NELL1: variants seen among roughly 807,000 people sequenced by gnomAD.
NELL1 encodes the protein neural EGFL like 1.
A neutral mutation model predicts 107.4 loss-of-function variants in NELL1; 76 were observed. That is an observed-to-expected ratio of 0.71 (90% CI 0.59 to 0.86). The LOEUF (loss-of-function observed/expected upper bound fraction) is 0.86. Among genes scored for constraint, NELL1 ranks in the 40% least tolerant of loss-of-function variants. The probability of loss-of-function intolerance (pLI) is 0.00; values close to 1 mark genes in which losing one functional copy is unlikely to be tolerated. For missense variants in NELL1, 1,024 were observed against 1,005.5 expected, an observed-to-expected ratio of 1.02 and a Z score of -0.25; for synonymous variants, 353 against 341.2, an observed-to-expected ratio of 1.03 and a Z score of -0.38.
At chr11:21,443,629 T>G (rs1445396714) in intron 15 of NELL1, among the ~76,000 whole-genome samples, 1 of 152,114 alleles carries the variant, frequency 6.6e-6, no homozygotes, top group African/African-American at 2.4e-5. Flanking sequence ...GGCTCATGCC[T>G]GTAATCCCAG....
chr11:20,749,505 G>T (rs976971512), intron 2 of NELL1, among the ~76,000 whole-genome samples: 1 of 152,082 alleles, frequency 6.6e-6, no homozygotes, highest in African/African-American at 2.4e-5. Context: ...GGAGGCTGAG[G>T]TAGGAGGAAT....
chr11:20,797,790 C>T (rs184518999), intron 3 of NELL1, among the ~76,000 whole-genome samples: 133 of 152,140 alleles, frequency 8.7e-4, no homozygotes, highest in Admixed American at 2.3e-3. Context: ...TTAGTGTGCC[C>T]TGGGCAGATA....
At chr11:21,447,172 T>A (rs1385232959) in intron 15 of NELL1, among the ~76,000 whole-genome samples, 2 of 152,114 alleles carry the variant, frequency 1.3e-5, no homozygotes, top group African/African-American at 2.4e-5. Flanking sequence ...TTCAGAGCAG[T>A]GGGCTCCCCT....
At chr11:21,402,102 T>C (rs1287129444) in intron 15 of NELL1, among the ~76,000 whole-genome samples, 1 of 151,770 alleles carries the variant, frequency 6.6e-6, no homozygotes, top group Admixed American at 6.6e-5. Flanking sequence ...ACTTAGGTAA[T>C]TCAGCTTGCC....
intron 14 of NELL1, among the ~76,000 whole-genome samples, chr11:21,344,412 G>A (rs1026644071): frequency 6.6e-6 from 1 of 152,134 alleles, no homozygotes; most frequent in Non-Finnish European, 1.5e-5. Context: ...AGAAGCTATA[G>A]TATTATTTAA....
chr11:20,689,553 G>T (rs1854401736), intron 2 of NELL1, among the ~76,000 whole-genome samples: 1 of 148,404 alleles, frequency 6.7e-6, no homozygotes, highest in Admixed American at 6.8e-5. Context: ...TTTTGTCCTT[G>T]CGATAGTTTA....
rs193176294 is a variant in NELL1, at chr11:20,898,206, G to A, written c.603+12666G>A. Reference sequence around the variant, plus strand: ...CAATGATAGACTGGATTAAGAAAACGTGGCACATATACACCGTGGAATACC... The same window carrying A: ...CAATGATAGACTGGATTAAGAAAACATGGCACATATACACCGTGGAATACC... On this transcript the variant is annotated intron_variant, in intron 5 of 19. Coordinates refer to ENST00000357134, the MANE Select transcript of NELL1 (RefSeq NM_006157.5). Among the ~76,000 whole-genome samples, 420 of 152,246 alleles carry A rather than the reference G, an allele frequency of 2.8e-3. 2 individuals carry two copies. The highest frequency in any genetic ancestry group is 9.5e-3 in the African/African-American group (393 of 41,532).
intron 12 of NELL1, among the ~76,000 whole-genome samples, chr11:21,000,260 T>G (rs1403993873): frequency 7.6e-6 from 1 of 131,086 alleles, no homozygotes; most frequent in Non-Finnish European, 1.5e-5. Context: ...AAACTTAAAG[T>G]ATAATAAAAA....
Position 20,960,535 on chromosome 11 carries a change from C to T in NELL1, c.1275C>T (p.Val425=), listed in dbSNP as rs780655389. The T allele has an allele frequency of 1.3e-5, 21 of 1,613,840 alleles. No individual in the cohort carries two copies. Among genetic ancestry groups the T allele is most frequent in the Non-Finnish European group, 1.7e-5 (20 of 1,179,802 alleles). Residue 425 remains valine, a synonymous_variant, in exon 12 of 20, where the codon GTC becomes GTT. Coordinates refer to ENST00000357134, the MANE Select transcript of NELL1 (RefSeq NM_006157.5). ...TCECKSGYIS[V]QGDSAYCEDI... is the part of the protein sequence containing the mutation. The stretch of plus-strand genomic sequence containing the variant: ...AGTGCAAGAGTGGTTACATCTCTGT[C>T]CAGGGAGACTCTGCCTACTGTGAAG...
intron 14 of NELL1, among the ~76,000 whole-genome samples, chr11:21,273,544 G>T (rs1266823814): frequency 6.6e-6 from 1 of 152,100 alleles, no homozygotes; most frequent in Non-Finnish European, 1.5e-5. Context: ...ATTCAGGAAA[G>T]ACAGAGAACA....
At position 20,921,796 on chromosome 11, in the gene NELL1, G is replaced by GTTTTTT. The variant is rs34327396; in HGVS notation, c.759+2463_759+2464insTTTTTT. The stretch of plus-strand genomic sequence containing the variant: ...GAGCAAGGTCTCTTTTTTATTGTGT[G>GTTTTTT]TGTTTTTTTTTTTTTTTTAAGAACA... On this transcript the variant is annotated intron_variant, in intron 7 of 19. Transcript: ENST00000357134. Among the ~76,000 whole-genome samples the GTTTTTT allele has an allele frequency of 1.7e-4, 23 of 137,140 alleles. 1 individual carries two copies. The highest frequency in any genetic ancestry group is 5.9e-4 in the African/African-American group (20 of 33,930). 90.0% of individuals were successfully genotyped at this position (137,140 alleles called of 152,430 possible).
chr11:21,258,209 G>T (rs1214698545), intron 14 of NELL1, among the ~76,000 whole-genome samples: 1 of 152,000 alleles, frequency 6.6e-6, no homozygotes, highest in African/African-American at 2.4e-5. Context: ...TTCATTTGAG[G>T]ACAAGGGAAA....
rs1857684494 is a variant in NELL1 at position 21,218,914 on chromosome 11, A to G, written c.1427-10418A>G. On this transcript the variant is annotated intron_variant, in intron 13 of 19. Transcript: ENST00000357134. ...TGATGGACACTTAGGTTGATTCCGT[A>G]TGTTGGCTATTGTGAATAATGCTGC... Among the ~76,000 whole-genome samples, 7 of 152,146 alleles carry G rather than the reference A, an allele frequency of 4.6e-5. No individual in the cohort carries two copies. The South Asian group carries it at 1.0e-3, about 23-fold the overall frequency.
intron 15 of NELL1, among the ~76,000 whole-genome samples, chr11:21,405,680 T>C (rs1160947461): frequency 6.6e-6 from 1 of 152,016 alleles, no homozygotes; most frequent in Non-Finnish European, 1.5e-5. Context: ...CTTTCCAAAC[T>C]CTAGCTCCAC....
At chr11:21,510,899 A>T (rs767422567) in intron 15 of NELL1, among the ~76,000 whole-genome samples, 1 of 152,148 alleles carries the variant, frequency 6.6e-6, no homozygotes, top group Non-Finnish European at 1.5e-5. Flanking sequence ...TGTTATTTCA[A>T]TGATTAAAAT....
chr11:20,938,908 G>C (rs917414447), intron 10 of NELL1, among the ~76,000 whole-genome samples: 8 of 144,628 alleles, frequency 5.5e-5, no homozygotes, highest in African/African-American at 1.8e-4. Context: ...TTCTCTCTCT[G>C]TCTCTCTCTC....
chr11:20,891,503 CA>C (rs1252636954), intron 5 of NELL1, among the ~76,000 whole-genome samples: 1 of 152,124 alleles, frequency 6.6e-6, no homozygotes, highest in Non-Finnish European at 1.5e-5. Context: ...ATCAAATTCA[CA>C]CATAACAATA....
At position 21,257,969 on chromosome 11, in the gene NELL1, C is replaced by T. The variant is rs182195303; in HGVS notation, c.1549+28515C>T. Among the ~76,000 whole-genome samples the T allele has an allele frequency of 4.1e-3, 628 of 152,080 alleles. 4 individuals carry two copies. The highest frequency in any genetic ancestry group is 0.014 in the African/African-American group (584 of 41,502). On this transcript the variant is annotated intron_variant, in intron 14 of 19. Coordinates refer to ENST00000357134, the MANE Select transcript of NELL1 (RefSeq NM_006157.5). The stretch of plus-strand genomic sequence containing the variant: ...CCTGGCAGAAGAAAACAAAAAGCAA[C>T]GTGGGGAAGAGGGAGACACATTGGT...
At chr11:21,036,923 T>C (rs879673873) in intron 12 of NELL1, among the ~76,000 whole-genome samples, 1 of 152,080 alleles carries the variant, frequency 6.6e-6, no homozygotes, top group Non-Finnish European at 1.5e-5. Context: ...TATCTAATGT[T>C]ATTATTAGTC....
Sources: gnomAD v4.1 joint callset for allele counts (sites outside exome capture counted in the v4.1 genomes callset) on GRCh38, gnomAD v4.1.1 for gene constraint, MANE v1.5 for transcripts, NCBI Gene and HGNC (gene_info 2026-07-23, HGNC 2026-07-21) for gene names.